The following MOCOS variants were observed in gnomAD, a reference collection of about 807,000 sequenced individuals.
MOCOS encodes the protein human molybdenum cofactor sulfurase.
Under a neutral mutation model 83.6 loss-of-function variants are expected in MOCOS, and 86 were observed. That is an observed-to-expected ratio of 1.03 (90% CI 0.86 to 1.23). MOCOS has a LOEUF of 1.23. MOCOS is among the 50% of genes most tolerant of loss of function. The probability of loss-of-function intolerance (pLI) is 0.00; values close to 1 mark genes in which losing one functional copy is unlikely to be tolerated. For missense variants in MOCOS, 1,120 were observed against 1,126.9 expected, an observed-to-expected ratio of 0.99 and a Z score of 0.09; for synonymous variants, 445 against 434.7, an observed-to-expected ratio of 1.02 and a Z score of -0.29.
intron 1 of MOCOS, among the ~76,000 whole-genome samples, chr18:36,191,040 A>AAAAAAAG (rs2091363922): frequency 6.8e-6 from 1 of 146,538 alleles, no homozygotes; most frequent in Non-Finnish European, 1.5e-5. Flanking sequence ...AAGAAAAAGA[A>AAAAAAAG]AAAAAAGTGT....
In MOCOS at chr18:36,215,907, A is replaced by T. The variant is rs775642789; in HGVS notation, c.1727A>T (p.Glu576Val). ...TPSEKAAGVL[E>V]GALGPHVVTN... ...TCAGAGAAAGCTGCAGGAGTCCTGG[A>T]GGGGGCCCTTGGGCCACATGTTGTC... is the stretch of plus-strand genomic sequence containing the variant. Residue 576 changes from glutamate (E) to valine (V), a missense_variant, in exon 8 of 15, where the codon GAG becomes GTG. Physicochemically the swap from Glu to Val is moderately radical, Grantham distance 121 (BLOSUM62 -2). Transcript: ENST00000261326. 1.9e-6 allele frequency: 3 copies of T among 1,613,912 alleles called. No individual in the cohort carries two copies. The highest frequency in any genetic ancestry group is 2.5e-6 in the Non-Finnish European group (3 of 1,179,820).
At chr18:36,254,458 CTGTGTGTGTGTG>C (rs60813321) in intron 11 of MOCOS, among the ~76,000 whole-genome samples, 41 of 138,952 alleles carry the variant, frequency 3.0e-4, no homozygotes, top group East Asian at 2.5e-3. Context: ...TACATTATCT[CTGTGTGTGTGTG>C]TGTGTGTGTG....
intron 8 of MOCOS, among the ~76,000 whole-genome samples, chr18:36,218,483 A>G (rs1005744025): frequency 1.3e-5 from 2 of 151,956 alleles, no homozygotes; most frequent in Non-Finnish European, 2.9e-5. Flanking sequence ...AAGACTTCTT[A>G]CTTGCTACTC....
chr18:36,236,692 G>A (rs1006116000), intron 9 of MOCOS, among the ~76,000 whole-genome samples: 3 of 141,548 alleles, frequency 2.1e-5, no homozygotes, highest in African/African-American at 8.1e-5. Flanking sequence ...GCCTGATGGG[G>A]GTGGCATTGA....
chr18:36,218,499 A>G (rs1413561556), intron 8 of MOCOS, among the ~76,000 whole-genome samples: 2 of 151,858 alleles, frequency 1.3e-5, no homozygotes, highest in Non-Finnish European at 2.9e-5. Flanking sequence ...TACTCACTTT[A>G]TCCATTTATT....
intron 1 of MOCOS, among the ~76,000 whole-genome samples, chr18:36,191,032 G>GAAAAAA (rs1246789036): frequency 7.9e-6 from 1 of 126,780 alleles, no homozygotes. Flanking sequence ...AAAAAAAAAA[G>GAAAAAA]AAAAAGAAAA....
At chr18:36,231,645 ACT>A (rs1370783529) in intron 9 of MOCOS, among the ~76,000 whole-genome samples, 1 of 152,126 alleles carries the variant, frequency 6.6e-6, no homozygotes, top group Non-Finnish European at 1.5e-5. Context: ...GAGATTTGAC[ACT>A]CTATGCTGAT....
intron 4 of MOCOS, among the ~76,000 whole-genome samples, 196 bp downstream of exon 4, chr18:36,200,520 A>T (rs2091409461): frequency 6.6e-6 from 1 of 151,842 alleles, no homozygotes; most frequent in Non-Finnish European, 1.5e-5. Flanking sequence ...TGTTCAGTGA[A>T]CTCTACCCCC....
At position 36,199,982 on chromosome 18, in the gene MOCOS, A is replaced by G. The variant is rs1331055721; in HGVS notation, c.599A>G (p.Tyr200Cys). ...TGCCAGCTGCCGCATCTCTTCTGCT[A>G]CCCAGCTCAGAGTAACTTTTCTGGA... ...PDCQLPHLFC[Y>C]PAQSNFSGVR... Residue 200 changes from tyrosine (Y) to cysteine (C), a missense_variant, in exon 4 of 15, where the codon TAC (tyrosine) becomes TGC (cysteine). Transcript: ENST00000261326. 2 of 1,614,108 alleles carry G rather than the reference A, an allele frequency of 1.2e-6. No homozygotes were observed. Among genetic ancestry groups the G allele is most frequent in the Middle Eastern group, 1.6e-4 (1 of 6,084 alleles).
intron 9 of MOCOS, among the ~76,000 whole-genome samples, chr18:36,232,543 G>A (rs906972346): frequency 1.3e-5 from 2 of 151,808 alleles, no homozygotes; most frequent in African/African-American, 4.8e-5. Context: ...ATAAATTATT[G>A]TTAACCATAG....
At chr18:36,191,814 G>A (rs927460416) in intron 1 of MOCOS, among the ~76,000 whole-genome samples, 1 of 152,164 alleles carries the variant, frequency 6.6e-6, no homozygotes, top group African/African-American at 2.4e-5. Context: ...TGTGTTTAAG[G>A]TCTTTCTCTG....
At chr18:36,257,470 T>TA (rs1172749096) in intron 12 of MOCOS, among the ~76,000 whole-genome samples, 2 of 152,058 alleles carry the variant, frequency 1.3e-5, no homozygotes, top group Admixed American at 6.5e-5. Flanking sequence ...TTTTAAAGGC[T>TA]AAAAAAGAGT....
intron 9 of MOCOS, among the ~76,000 whole-genome samples, chr18:36,226,050 TTTGTTA>T (rs1359207811): frequency 6.6e-6 from 1 of 152,094 alleles, no homozygotes; most frequent in African/African-American, 2.4e-5. Context: ...TTTATGTATG[TTTGTTA>T]GGTCCATTTG....
At chr18:36,194,748 C>T (rs1342501054) in intron 1 of MOCOS, among the ~76,000 whole-genome samples, 3 of 152,170 alleles carry the variant, frequency 2.0e-5, no homozygotes, top group Admixed American at 2.0e-4. Flanking sequence ...ATCAGTAATC[C>T]GCGGTATCTC....
intron 12 of MOCOS, among the ~76,000 whole-genome samples, chr18:36,259,069 CT>C (rs1328986370): frequency 2.2e-5 from 2 of 92,374 alleles, no homozygotes; most frequent in Non-Finnish European, 4.1e-5. Flanking sequence ...TCAGTGCGTT[CT>C]TCTGGGTGGG....
intron 9 of MOCOS, among the ~76,000 whole-genome samples, chr18:36,236,848 A>G (rs1408326101): frequency 2.0e-5 from 3 of 146,412 alleles, no homozygotes; most frequent in East Asian, 2.0e-4. Flanking sequence ...GGTCCTTCAC[A>G]TCCCTTGTAA....
chr18:36,240,489 C>G (rs867885262), intron 9 of MOCOS, among the ~76,000 whole-genome samples: 2 of 150,142 alleles, frequency 1.3e-5, no homozygotes, highest in African/African-American at 4.9e-5. Context: ...GCAGTCTGCC[C>G]GTTCTCAGAT....
chr18:36,213,999 T>G (rs945671527), intron 7 of MOCOS, among the ~76,000 whole-genome samples: 5 of 151,216 alleles, frequency 3.3e-5, no homozygotes, highest in Admixed American at 1.3e-4. Context: ...CACAGCACTT[T>G]GGGAGGCCGA....
intron 6 of MOCOS, among the ~76,000 whole-genome samples, chr18:36,205,622 A>C (rs1224274027): frequency 1.3e-5 from 2 of 152,240 alleles, no homozygotes; most frequent in African/African-American, 4.8e-5. Context: ...ACGGGGTGTC[A>C]CAGATGGACA....
Sources: gnomAD v4.1 joint callset for allele counts (sites outside exome capture counted in the v4.1 genomes callset) on GRCh38, gnomAD v4.1.1 for gene constraint, MANE v1.5 for transcripts, NCBI Gene and HGNC (gene_info 2026-07-23, HGNC 2026-07-21) for gene names.